The following DCLK1 variants were observed in gnomAD, a reference collection of about 807,000 sequenced individuals.
The protein encoded by DCLK1 is serine/threonine-protein kinase DCLK1.
Under a neutral mutation model 86.2 loss-of-function variants are expected in DCLK1, and 16 were observed. The observed-to-expected ratio is 0.19, with a 90% confidence interval of 0.13 to 0.28. The LOEUF (loss-of-function observed/expected upper bound fraction) is 0.28. Among genes scored for constraint, DCLK1 ranks in the 10% least tolerant of loss-of-function variants. DCLK1 has a pLI of 1.00. For synonymous variants in DCLK1, 369 were observed against 370.5 expected (o/e 1.00, Z 0.05); for missense variants, 590 against 940.2 (o/e 0.63, Z 4.87).
intron 4 of DCLK1, among the ~76,000 whole-genome samples, chr13:35,911,769 A>T (rs1313106412): frequency 6.6e-6 from 1 of 152,234 alleles, no homozygotes; most frequent in Non-Finnish European, 1.5e-5. Context: ...GTGGTCAGTC[A>T]TCGCAAAGAG....
intron 4 of DCLK1, among the ~76,000 whole-genome samples, chr13:35,902,178 G>A (rs1054311083): frequency 1.3e-5 from 2 of 152,202 alleles, no homozygotes; most frequent in African/African-American, 2.4e-5. Flanking sequence ...AACTAAAGCC[G>A]AGTAAGGTTA....
At chr13:35,992,749 T>C (rs1183372360) in intron 3 of DCLK1, among the ~76,000 whole-genome samples, 1 of 152,194 alleles carries the variant, frequency 6.6e-6, no homozygotes, top group Admixed American at 6.5e-5. Context: ...AGCATTTGTC[T>C]TGGAAAATGT....
intron 3 of DCLK1, among the ~76,000 whole-genome samples, chr13:36,076,336 T>G (rs1884213478): frequency 6.6e-6 from 1 of 152,318 alleles, no homozygotes; most frequent in African/African-American, 2.4e-5. Context: ...TATCATGGAT[T>G]TTATTTTTAA....
intron 16 of DCLK1, among the ~76,000 whole-genome samples, chr13:35,781,611 A>G (rs2086527081): frequency 1.3e-5 from 2 of 152,226 alleles, no homozygotes; most frequent in African/African-American, 4.8e-5. Flanking sequence ...CATTTTTCAG[A>G]GGCAAACATT....
intron 3 of DCLK1, among the ~76,000 whole-genome samples, chr13:36,094,413 C>G (rs1380436570): frequency 1.3e-5 from 2 of 152,092 alleles, no homozygotes; most frequent in East Asian, 1.9e-4. Flanking sequence ...TAGAATAAAA[C>G]CAATTTAAAG....
chr13:35,916,614 C>T (rs1875428831), intron 4 of DCLK1, among the ~76,000 whole-genome samples: 1 of 152,062 alleles, frequency 6.6e-6, no homozygotes, highest in Non-Finnish European at 1.5e-5. Flanking sequence ...CTCTCTTTCT[C>T]CTCCTTCCTT....
chr13:36,060,116 C>A (rs1883487080), intron 3 of DCLK1, among the ~76,000 whole-genome samples: 1 of 146,616 alleles, frequency 6.8e-6, no homozygotes, highest in African/African-American at 2.8e-5. Flanking sequence ...GGTGATCTGC[C>A]CACCTTGGCC....
At chr13:35,951,651 C>T (rs1455229504) in intron 3 of DCLK1, among the ~76,000 whole-genome samples, 1 of 151,850 alleles carries the variant, frequency 6.6e-6, no homozygotes, top group Non-Finnish European at 1.5e-5. Flanking sequence ...CCTTATCCAT[C>T]ACCTCTTCTT....
At chr13:36,077,611 A>T (rs561509549) in intron 3 of DCLK1, among the ~76,000 whole-genome samples, 2 of 152,256 alleles carry the variant, frequency 1.3e-5, no homozygotes, top group East Asian at 1.9e-4. Flanking sequence ...CACAAAGAAG[A>T]TGTGATGGTA....
At chr13:35,813,615 G>T (rs186561691) in intron 11 of DCLK1, among the ~76,000 whole-genome samples, 44 of 151,608 alleles carry the variant, frequency 2.9e-4, no homozygotes, top group Admixed American at 7.9e-4. Context: ...ATTATTAAAA[G>T]TAATAATAAG....
In DCLK1 at chr13:36,108,992, C is replaced by A. The variant is rs542401849; in HGVS notation, c.723+2877G>T. On this transcript the variant is annotated intron_variant, in intron 3 of 16. Transcript: ENST00000360631. ...GAGGCTTATCAAGCCTCAGTCTCTGCCAGGGTTGTCAAAAATTCTACTCTA... is the reference window on the plus strand; with the variant it reads ...GAGGCTTATCAAGCCTCAGTCTCTGACAGGGTTGTCAAAAATTCTACTCTA... Among the ~76,000 whole-genome samples the A allele has an allele frequency of 2.6e-5, 4 of 152,268 alleles. No individual in the cohort carries two copies. The South Asian group carries it at 8.3e-4, about 32-fold the overall frequency.
At chr13:36,059,068 A>G (rs924426564) in intron 3 of DCLK1, among the ~76,000 whole-genome samples, 1 of 152,144 alleles carries the variant, frequency 6.6e-6, no homozygotes, top group African/African-American at 2.4e-5. Context: ...GTGGGTTGAG[A>G]ATTGTTAGAA....
At chr13:35,919,428 CAG>C (rs1875652913) in intron 4 of DCLK1, among the ~76,000 whole-genome samples, 1 of 152,164 alleles carries the variant, frequency 6.6e-6, no homozygotes, top group Admixed American at 6.5e-5. Context: ...ACATTTTAAA[CAG>C]GGGATTGTTT....
chr13:35,792,235 C>T (rs905330960), intron 16 of DCLK1, among the ~76,000 whole-genome samples: 40 of 152,232 alleles, frequency 2.6e-4, no homozygotes, highest in African/African-American at 8.4e-4. Context: ...TCGAGAAACA[C>T]GAAATGCAAA....
In DCLK1 at chr13:36,125,920, A is replaced by G; in HGVS notation, c.218T>C (p.Val73Ala). ...GAACCGGTCTGGGGAGATGGCATAC[A>G]CAATCCCTTTGAAGTATCGATCTCC... is the stretch of plus-strand genomic sequence containing the variant. ...RNGDRYFKGIVYAISPDRFRS... is the reference protein window; with the variant it reads ...RNGDRYFKGIAYAISPDRFRS... Residue 73 changes from valine to alanine, a missense_variant, in exon 2 of 17, where the codon GTG becomes GCG. Val to Ala is a moderately conservative substitution (Grantham distance 64, BLOSUM62 0). This residue lies in a region of DCLK1 where 195 missense variants were observed against 365.1 expected (regional missense o/e 0.53). Coordinates refer to ENST00000360631, the MANE Select transcript of DCLK1 (RefSeq NM_001330071.2). The G allele has an allele frequency of 6.2e-7, 1 of 1,614,208 alleles. No homozygotes were observed. Among genetic ancestry groups the G allele is most frequent in the Non-Finnish European group, 8.5e-7 (1 of 1,180,040 alleles).
At chr13:35,829,912 C>A (rs1868812580) in intron 8 of DCLK1, among the ~76,000 whole-genome samples, 1 of 152,172 alleles carries the variant, frequency 6.6e-6, no homozygotes, top group Non-Finnish European at 1.5e-5. Context: ...CTCTGTTGAT[C>A]TTTCAACAAA....
At chr13:35,784,198 T>C (rs2086579957) in intron 16 of DCLK1, among the ~76,000 whole-genome samples, 1 of 152,148 alleles carries the variant, frequency 6.6e-6, no homozygotes, top group African/African-American at 2.4e-5. Flanking sequence ...TACTACACAA[T>C]TTTCAGTCAA....
intron 3 of DCLK1, among the ~76,000 whole-genome samples, chr13:35,981,588 A>T (rs1226384336): frequency 6.6e-6 from 1 of 152,202 alleles, no homozygotes; most frequent in Non-Finnish European, 1.5e-5. Flanking sequence ...AGTATCATAC[A>T]GAGTAGCTCC....
At chr13:35,985,423 A>G (rs1297524687) in intron 3 of DCLK1, among the ~76,000 whole-genome samples, 1 of 152,244 alleles carries the variant, frequency 6.6e-6, no homozygotes, top group Non-Finnish European at 1.5e-5. Flanking sequence ...TGAAAATGCA[A>G]AAGGGAAGAA....
Sources: allele counts gnomAD v4.1 joint callset (sites outside exome capture counted in the v4.1 genomes callset), GRCh38; gene constraint gnomAD v4.1.1; regional missense constraint gnomAD v4.1.1; transcripts MANE v1.5; gene names NCBI Gene and HGNC (gene_info 2026-07-23, HGNC 2026-07-21).